CRPPA: variants seen among roughly 807,000 people sequenced by gnomAD.
CRPPA encodes the protein D-ribitol-5-phosphate cytidylyltransferase.
A neutral mutation model predicts 52.0 loss-of-function variants in CRPPA; 43 were observed. That is an observed-to-expected ratio of 0.83 (90% CI 0.65 to 1.07). The LOEUF is 1.07. Among genes scored for constraint, CRPPA ranks in the 50% least tolerant of loss-of-function variants. The pLI is 0.00. For missense variants in CRPPA, 629 were observed against 551.7 expected (o/e 1.14, Z -1.40); for synonymous variants, 250 against 203.5 (o/e 1.23, Z -1.94).
At chr7:16,199,854 C>CA (rs1781811231) in intron 9 of CRPPA, among the ~76,000 whole-genome samples, 1 of 120,114 alleles carries the variant, frequency 8.3e-6, no homozygotes, top group Non-Finnish European at 1.7e-5. Context: ...TAAGCTTTTT[C>CA]TTTTTTTTTT....
chr7:16,339,561 C>G (rs2128432728), intron 3 of CRPPA, among the ~76,000 whole-genome samples: 1 of 152,304 alleles, frequency 6.6e-6, no homozygotes, highest in Admixed American at 6.5e-5. Context: ...TTGTAAAGAA[C>G]ATCTGGAGGA....
chr7:16,112,068 A>G (rs1782275384), intron 9 of CRPPA, among the ~76,000 whole-genome samples: 1 of 152,162 alleles, frequency 6.6e-6, no homozygotes, highest in Admixed American at 6.6e-5. Context: ...TAATCCCAGC[A>G]CTTTGGGAGG....
intron 9 of CRPPA, among the ~76,000 whole-genome samples, chr7:16,182,084 T>C (rs1424368153): frequency 6.6e-6 from 1 of 152,004 alleles, no homozygotes; most frequent in Non-Finnish European, 1.5e-5. Context: ...AATAAAAACA[T>C]ATGTAATACG....
intron 9 of CRPPA, among the ~76,000 whole-genome samples, chr7:16,100,544 G>A (rs1432116592): frequency 6.6e-6 from 1 of 152,114 alleles, no homozygotes; most frequent in Non-Finnish European, 1.5e-5. Context: ...AATATCGAAC[G>A]TTTTAGGCTG....
chr7:16,261,447 T>A (rs1783796628), intron 6 of CRPPA, among the ~76,000 whole-genome samples: 1 of 152,072 alleles, frequency 6.6e-6, no homozygotes, highest in East Asian at 1.9e-4. Flanking sequence ...TTTATTAGAT[T>A]CTTATTCTAT....
chr7:16,140,157 T>C (rs985143704), intron 9 of CRPPA, among the ~76,000 whole-genome samples: 3 of 152,206 alleles, frequency 2.0e-5, no homozygotes, highest in Non-Finnish European at 4.4e-5. Flanking sequence ...TAGTTAATTA[T>C]TCATTTAGAG....
intron 9 of CRPPA, among the ~76,000 whole-genome samples, chr7:16,108,741 A>T (rs1782203432): frequency 6.6e-6 from 1 of 151,912 alleles, no homozygotes; most frequent in African/African-American, 2.4e-5. Context: ...TAAAATACTA[A>T]AATTATATTA....
At chr7:16,302,240 G>A (rs560982175) in intron 4 of CRPPA, among the ~76,000 whole-genome samples, 2 of 143,332 alleles carry the variant, frequency 1.4e-5, no homozygotes, top group East Asian at 4.4e-4. Context: ...AGCTTGCAGT[G>A]TGCCGAGATT....
At chr7:16,356,551 A>G (rs2128308512) in intron 3 of CRPPA, among the ~76,000 whole-genome samples, 1 of 152,294 alleles carries the variant, frequency 6.6e-6, no homozygotes, top group Non-Finnish European at 1.5e-5. Context: ...GGCAGCTTCT[A>G]CTTTGTTCTC....
At chr7:16,389,482 A>G (rs1787380484) in intron 2 of CRPPA, among the ~76,000 whole-genome samples, 1 of 152,196 alleles carries the variant, frequency 6.6e-6, no homozygotes, top group South Asian at 2.1e-4. Flanking sequence ...GTAATAAACC[A>G]TGTTAATAGA....
At chr7:16,231,745 G>A (rs1176499118) in intron 8 of CRPPA, among the ~76,000 whole-genome samples, 1 of 152,122 alleles carries the variant, frequency 6.6e-6, no homozygotes. Flanking sequence ...TCTACCCAAG[G>A]GGGGAGTACT....
chr7:16,419,271 C>A (rs1399420009), intron 1 of CRPPA, among the ~76,000 whole-genome samples: 2 of 152,230 alleles, frequency 1.3e-5, no homozygotes, highest in Non-Finnish European at 2.9e-5. Context: ...GAACCTGAAA[C>A]TGCCTTTGTG....
At position 16,278,243 on chromosome 7, in the gene CRPPA, A is replaced by T. The variant is rs752296477; in HGVS notation, c.836-17T>A. 2.2e-6 allele frequency: 3 copies of T among 1,390,618 alleles called. No homozygotes were observed. The highest frequency in any genetic ancestry group is 3.0e-6 in the Non-Finnish European group (3 of 1,012,360). 86.1% of individuals were successfully genotyped at this position (1,390,618 alleles called of 1,614,324 possible). A position where few individuals can be genotyped will look rare whatever the true frequency, so the allele number is the denominator to read the frequency against. On this transcript the variant is annotated splice_polypyrimidine_tract_variant and intron_variant, in intron 5 of 9. Coordinates refer to ENST00000407010, the MANE Select transcript of CRPPA (RefSeq NM_001101426.4). ...AAATTCTCTCTGAAATTAAAAAAAA[A>T]AAGTTTTAAGTTTCAAACAAAACAT... is the stretch of plus-strand genomic sequence containing the variant.
At chr7:16,230,709 G>A (rs929750360) in intron 8 of CRPPA, among the ~76,000 whole-genome samples, 4 of 152,142 alleles carry the variant, frequency 2.6e-5, no homozygotes, top group Non-Finnish European at 4.4e-5. Flanking sequence ...TGTTCTTGAT[G>A]CTTTTGGTCA....
At chr7:16,388,089 C>A (rs1787339002) in intron 2 of CRPPA, among the ~76,000 whole-genome samples, 1 of 152,098 alleles carries the variant, frequency 6.6e-6, no homozygotes, top group Non-Finnish European at 1.5e-5. Context: ...GCTCAAGCAA[C>A]CTGCCAGCCT....
At chr7:16,221,382 T>G (rs973143116) in intron 8 of CRPPA, among the ~76,000 whole-genome samples, 11 of 152,190 alleles carry the variant, frequency 7.2e-5, no homozygotes, top group African/African-American at 2.4e-4. Flanking sequence ...GACATAGGCA[T>G]GGGCAAGGAC....
intron 3 of CRPPA, among the ~76,000 whole-genome samples, chr7:16,365,351 G>A (rs1172373592): frequency 2.0e-5 from 3 of 152,196 alleles, no homozygotes; most frequent in Non-Finnish European, 4.4e-5. Context: ...GTGATGAAGT[G>A]ACCAGCTGTG....
At chr7:16,386,544 A>G (rs186681741) in intron 2 of CRPPA, among the ~76,000 whole-genome samples, 170 of 152,342 alleles carry the variant, frequency 1.1e-3, no homozygotes, top group African/African-American at 3.9e-3. Flanking sequence ...CAATAGATAC[A>G]TAGATAACTG....
chr7:16,364,714 G>C (rs555665824), intron 3 of CRPPA, among the ~76,000 whole-genome samples: 144 of 152,124 alleles, frequency 9.5e-4, no homozygotes, highest in South Asian at 3.1e-3. Flanking sequence ...AATTCTCTTG[G>C]GTTTCAAGAT....
Sources: allele counts gnomAD v4.1 joint callset (sites outside exome capture counted in the v4.1 genomes callset), GRCh38; gene constraint gnomAD v4.1.1; transcripts MANE v1.5; gene names NCBI Gene and HGNC (gene_info 2026-07-23, HGNC 2026-07-21).